CREB3L2: variants seen among roughly 807,000 people sequenced by gnomAD.
CREB3L2 encodes cyclic AMP-responsive element-binding protein 3-like protein 2.
CREB3L2 carries 23 observed loss-of-function variants against 57.2 expected under a neutral mutation model. The ratio of observed to expected loss-of-function variants is 0.40; its 90% CI spans 0.29 to 0.57. CREB3L2 has a LOEUF of 0.57. CREB3L2 is among the 20% of genes least tolerant of loss of function. CREB3L2 has a pLI of 0.42. For synonymous variants in CREB3L2, 268 were observed against 265.1 expected (o/e 1.01, Z -0.11); for missense variants, 628 against 634.7 (o/e 0.99, Z 0.11).
At chr7:137,990,372 C>T (rs761702861) in intron 1 of CREB3L2, among the ~76,000 whole-genome samples, 1 of 152,192 alleles carries the variant, frequency 6.6e-6, no homozygotes, top group African/African-American at 2.4e-5. Flanking sequence ...TCATTCCATC[C>T]GCTTTGCTAC....
At chr7:137,999,164 C>T (rs1275431693) in intron 1 of CREB3L2, among the ~76,000 whole-genome samples, 2 of 152,108 alleles carry the variant, frequency 1.3e-5, no homozygotes, top group African/African-American at 4.8e-5. Flanking sequence ...AGTTCTTCAT[C>T]CTGCTGAGCT....
At chr7:137,962,749 A>G (rs919982581) in intron 1 of CREB3L2, among the ~76,000 whole-genome samples, 36 of 152,116 alleles carry the variant, frequency 2.4e-4, no homozygotes, top group African/African-American at 7.7e-4. Context: ...TGCACTACAC[A>G]TGAGTTCCAT....
rs1402773027 is a variant in CREB3L2 at position 137,877,047 on chromosome 7, G to A, written c.*3429C>T. The A allele has an allele frequency of 4.4e-6, 1 of 229,284 alleles. No individual in the cohort carries two copies. Among genetic ancestry groups the A allele is most frequent in the Admixed American group, 5.7e-5 (1 of 17,650 alleles). The allele number at this position is 229,284 out of a possible 1,614,324, so 14.2% of individuals were successfully genotyped here. On this transcript the variant is annotated 3_prime_UTR_variant, in exon 12 of 12. Transcript: ENST00000330387. ...TGGGAGGGAGGAGCCATAAAATGCT[G>A]GAGAACAATTTTAAAAAACACTTAT...
At chr7:137,983,668 CCCGG>C (rs1801746632) in intron 1 of CREB3L2, among the ~76,000 whole-genome samples, 1 of 152,254 alleles carries the variant, frequency 6.6e-6, no homozygotes, top group South Asian at 2.1e-4. Context: ...AAGCCACCTT[CCCGG>C]CCTGGCCACT....
rs1563233437 is a variant in CREB3L2, at chr7:137,876,941, C to T, written c.*3535G>A. Reference sequence around the variant, plus strand: ...TTTCTGGACTGTGCTCAAATTCACACCTTGTATGACATGTGGGCAGAGGAG... The same window carrying T: ...TTTCTGGACTGTGCTCAAATTCACATCTTGTATGACATGTGGGCAGAGGAG... On this transcript the variant is annotated 3_prime_UTR_variant, in exon 12 of 12. Transcript: ENST00000330387. 1.3e-5 allele frequency: 3 copies of T among 231,998 alleles called. No individual in the cohort carries two copies. In the Admixed American group the frequency reaches 1.7e-4, roughly 13 times the overall value. The allele number at this position is 231,998 out of a possible 1,614,324, so 14.4% of individuals were successfully genotyped here.
At position 137,876,257 on chromosome 7, in the gene CREB3L2, A is replaced by C. The variant is rs1799148083; in HGVS notation, c.*4219T>G. The stretch of plus-strand genomic sequence containing the variant: ...ATACAAAATCTCCCAGTGACGAGGG[A>C]TTCCTCAGTCATCCTGGATTTACCT... On this transcript the variant is annotated 3_prime_UTR_variant, in exon 12 of 12. Coordinates refer to ENST00000330387, the MANE Select transcript of CREB3L2 (RefSeq NM_194071.4). The C allele has an allele frequency of 4.4e-6, 1 of 226,526 alleles. No individual in the cohort carries two copies. Among genetic ancestry groups the C allele is most frequent in the Non-Finnish European group, 8.5e-6 (1 of 117,764 alleles). 14.0% of individuals were successfully genotyped at this position (226,526 alleles called of 1,614,324 possible). A position where few individuals can be genotyped will look rare whatever the true frequency, so the allele number is the denominator to read the frequency against.
chr7:137,986,230 A>G lies in CREB3L2; in HGVS notation c.102+15374T>C, dbSNP rs948821064. On this transcript the variant is annotated intron_variant, in intron 1 of 11. Coordinates refer to ENST00000330387, the MANE Select transcript of CREB3L2 (RefSeq NM_194071.4). ...ATTTTACTGGACACCTACCATGCGC[A>G]CAGCACTGTTCTGTTAGCTGGAGAT... 3.8e-4 allele frequency among the ~76,000 whole-genome samples: 58 copies of G among 152,370 alleles called. 1 individual carries two copies. Among genetic ancestry groups the G allele is most frequent in the African/African-American group, 1.4e-3 (57 of 41,590 alleles).
chr7:137,885,244 T>A, intron 9 of CREB3L2, 123 bp from the exon 10 acceptor site: 1 of 1,247,770 alleles, frequency 8.0e-7, no homozygotes, highest in Non-Finnish European at 1.1e-6. Flanking sequence ...CACCCACCAG[T>A]CACATCACCA....
intron 1 of CREB3L2, among the ~76,000 whole-genome samples, chr7:137,942,695 C>A (rs1246566198): frequency 6.6e-6 from 1 of 152,210 alleles, no homozygotes; most frequent in East Asian, 1.9e-4. Flanking sequence ...TGCAGTCCTG[C>A]TGGAAAACAC....
In CREB3L2 at chr7:138,001,770, G is replaced by C. The variant is rs1802082306; in HGVS notation, c.-65C>G. On this transcript the variant is annotated 5_prime_UTR_variant, in exon 1 of 12. Transcript: ENST00000330387. This position sits in a 1 kb window ranked among gnomAD's most constrained non-coding sequence, Gnocchi z 4.2. ...GGAGGGGACGCGCAGAGCTGCCTCG[G>C]ACCGGCAAGGTTCCTCTCTCTCCGC... The C allele has an allele frequency of 8.3e-7, 1 of 1,198,796 alleles. No homozygotes were observed. The highest frequency in any genetic ancestry group is 1.5e-5 in the African/African-American group (1 of 65,354). 74.3% of individuals were successfully genotyped at this position (1,198,796 alleles called of 1,614,324 possible).
chr7:137,899,609 G>A (rs189837613), intron 8 of CREB3L2, among the ~76,000 whole-genome samples: 6 of 152,152 alleles, frequency 3.9e-5, no homozygotes, highest in African/African-American at 1.2e-4. Context: ...GCAGACTAAC[G>A]GCCAAAGGCA....
chr7:137,875,216 AAG>A lies in CREB3L2; in HGVS notation c.*5258_*5259del. On this transcript the variant is annotated 3_prime_UTR_variant, in exon 12 of 12. Coordinates refer to ENST00000330387, the MANE Select transcript of CREB3L2 (RefSeq NM_194071.4). ...TGCTGGTCTACGTAACCTGTTACAAAAGAGAGCAAAACCTAACTGTCAGCATA... is the reference window on the plus strand; with the variant it reads ...TGCTGGTCTACGTAACCTGTTACAAAAGAGCAAAACCTAACTGTCAGCATA... 1 of 215,364 alleles carries A rather than the reference AAG, an allele frequency of 4.6e-6. No homozygotes were observed. Among genetic ancestry groups the A allele is most frequent in the East Asian group, 6.9e-5 (1 of 14,402 alleles). The allele number at this position is 215,364 out of a possible 1,614,324, so 13.3% of individuals were successfully genotyped here. A position where few individuals can be genotyped will look rare whatever the true frequency, so the allele number is the denominator to read the frequency against.
intron 1 of CREB3L2, among the ~76,000 whole-genome samples, chr7:137,935,036 T>C (rs1800751425): frequency 6.6e-5 from 10 of 152,208 alleles, no homozygotes; most frequent in Admixed American, 6.5e-4. Context: ...ATCCTAATGG[T>C]CACAGTATGG....
chr7:137,947,283 G>A (rs943669726), intron 1 of CREB3L2, among the ~76,000 whole-genome samples: 1 of 151,850 alleles, frequency 6.6e-6, no homozygotes, highest in South Asian at 2.1e-4. Context: ...TGTTATGGCA[G>A]CCACACCCGC....
At chr7:137,924,265 T>C (rs1169358485) in intron 2 of CREB3L2, among the ~76,000 whole-genome samples, 1 of 152,214 alleles carries the variant, frequency 6.6e-6, no homozygotes, top group African/African-American at 2.4e-5. Context: ...ACCACTTCTG[T>C]ATTAGCCTAT....
At chr7:137,950,232 A>G (rs974367486) in intron 1 of CREB3L2, among the ~76,000 whole-genome samples, 4 of 152,208 alleles carry the variant, frequency 2.6e-5, no homozygotes, top group Non-Finnish European at 4.4e-5. Flanking sequence ...TTTGTGGGTC[A>G]TATGAGGGGT....
chr7:138,001,734 T>A lies in CREB3L2; in HGVS notation c.-29A>T, dbSNP rs752355520. ...GGTGCGGGCCGCGCTGGGCCGAGGA[T>A]GCTAAGCGCAGGAGGGGACGCGCAG... On this transcript the variant is annotated 5_prime_UTR_variant, in exon 1 of 12. Coordinates refer to ENST00000330387, the MANE Select transcript of CREB3L2 (RefSeq NM_194071.4). This position sits in a 1 kb window ranked among gnomAD's most constrained non-coding sequence, Gnocchi z 4.2. The A allele has an allele frequency of 9.6e-6, 15 of 1,558,046 alleles. No individual in the cohort carries two copies. In the African/African-American group the frequency reaches 1.5e-4, roughly 15 times the overall value.
intron 1 of CREB3L2, among the ~76,000 whole-genome samples, chr7:137,986,962 G>C (rs988936644): frequency 6.6e-6 from 1 of 152,238 alleles, no homozygotes. Flanking sequence ...GCACCATGCA[G>C]GTAACATCAC....
rs535796664 is a variant in CREB3L2, at chr7:137,880,134, G to C, written c.*342C>G. 2.9e-6 allele frequency: 1 copy of C among 349,254 alleles called. No individual in the cohort carries two copies. Among genetic ancestry groups the C allele is most frequent in the East Asian group, 4.6e-5 (1 of 21,688 alleles). 21.6% of individuals were successfully genotyped at this position (349,254 alleles called of 1,614,324 possible). A position where few individuals can be genotyped will look rare whatever the true frequency, so the allele number is the denominator to read the frequency against. On this transcript the variant is annotated 3_prime_UTR_variant, in exon 12 of 12. Coordinates refer to ENST00000330387, the MANE Select transcript of CREB3L2 (RefSeq NM_194071.4). This position sits in a 1 kb window ranked among gnomAD's most constrained non-coding sequence, Gnocchi z 4.0. ...ACAAGAGCCATCTCGTCTCCAAAGC[G>C]GGGGGTTACACCTCACAGGTGCACA...
Sources: allele counts gnomAD v4.1 joint callset (sites outside exome capture counted in the v4.1 genomes callset), GRCh38; gene constraint gnomAD v4.1.1; non-coding constraint Gnocchi (gnomAD v3.1); transcripts MANE v1.5; gene names NCBI Gene and HGNC (gene_info 2026-07-23, HGNC 2026-07-21).